GUSB: variants seen among roughly 807,000 people sequenced by gnomAD.
The protein encoded by GUSB is beta-glucuronidase.
In GUSB, 51 loss-of-function variants were observed where a neutral mutation model predicts 74.6. The ratio of observed to expected loss-of-function variants is 0.68; its 90% confidence interval spans 0.55 to 0.86. The LOEUF is 0.86. Among genes scored for constraint, GUSB ranks in the 40% least tolerant of loss-of-function variants. GUSB has a pLI of 0.00. For missense variants in GUSB, 736 were observed against 853.7 expected (o/e 0.86, Z 1.72); for synonymous variants, 360 against 348.3 (o/e 1.03, Z -0.37).
At chr7:65,976,617 A>T (rs1033379643) in intron 4 of GUSB, among the ~76,000 whole-genome samples, 29 of 148,416 alleles carry the variant, frequency 2.0e-4, no homozygotes, top group African/African-American at 7.2e-4. Flanking sequence ...GAGCCACCGC[A>T]CCCGGTGCTT....
intron 10 of GUSB, 77 bp from the exon 11 acceptor site, chr7:65,964,535 T>A (rs1790707281): frequency 4.1e-5 from 58 of 1,418,856 alleles, no homozygotes; most frequent in Non-Finnish European, 5.4e-5. Context: ...AAAGATCCAC[T>A]TGATGGTGAC....
chr7:65,977,675 C>T (rs1364873112), intron 4 of GUSB, among the ~76,000 whole-genome samples: 1 of 151,882 alleles, frequency 6.6e-6, no homozygotes, highest in African/African-American at 2.4e-5. Flanking sequence ...CAGGCATTAG[C>T]CACCACACCC....
chr7:65,972,045 A>G (rs1791247343), intron 8 of GUSB, among the ~76,000 whole-genome samples: 1 of 152,326 alleles, frequency 6.6e-6, no homozygotes, highest in Admixed American at 6.5e-5. Context: ...ATCTCAAAAA[A>G]TAAATAAATA....
intron 11 of GUSB, among the ~76,000 whole-genome samples, chr7:65,961,950 T>G (rs1239172585): frequency 9.9e-5 from 15 of 151,224 alleles, no homozygotes; most frequent in Admixed American, 9.9e-4. Context: ...TGCAGTGAGC[T>G]GAGATTGTGC....
At position 65,962,953 on chromosome 7, in the gene GUSB, G is replaced by A. The variant is rs368141901; in HGVS notation, c.1789+1370C>T. ...AGCTCATTGCAACCTCCATCTCCCA[G>A]GTTCAACAGATTCTCATGCCTCAGT... On this transcript the variant is annotated intron_variant, in intron 11 of 11. Transcript: ENST00000304895. Among the ~76,000 whole-genome samples the A allele has an allele frequency of 3.2e-4, 49 of 152,062 alleles. 3 individuals are homozygous for A. The South Asian group carries it at 9.8e-3, about 30-fold the overall frequency.
chr7:65,968,732 G>A (rs990326546), intron 9 of GUSB, among the ~76,000 whole-genome samples: 5 of 152,126 alleles, frequency 3.3e-5, no homozygotes, highest in Admixed American at 6.6e-5. Flanking sequence ...GATTACAGGC[G>A]TGCGCCACCA....
intron 9 of GUSB, among the ~76,000 whole-genome samples, chr7:65,968,727 C>T (rs1562677089): frequency 6.6e-6 from 1 of 152,300 alleles, no homozygotes; most frequent in East Asian, 1.9e-4. Context: ...GCTAGGATTA[C>T]AGGCGTGCGC....
intron 5 of GUSB, 81 bp from the exon 6 acceptor site, chr7:65,975,152 C>T (rs1417909912): frequency 5.6e-6 from 7 of 1,259,762 alleles, no homozygotes; most frequent in South Asian, 3.6e-5. Context: ...GAAGGCCCCT[C>T]GTGCACCCCA....
At chr7:65,979,612 T>C (rs1791846616) in intron 3 of GUSB, 71 bp from the exon 4 acceptor site, 1 of 1,597,700 alleles carries the variant, frequency 6.3e-7, no homozygotes, top group Non-Finnish European at 8.6e-7. Flanking sequence ...CAGGCCTCCC[T>C]GGCCTCCCCA....
At chr7:65,975,378 T>C (rs766902098) in intron 5 of GUSB, 28 of 420,210 alleles carry the variant, frequency 6.7e-5, no homozygotes, top group Non-Finnish European at 2.7e-5. Context: ...AGACCCCATC[T>C]CTATAAAAAA....
Position 65,980,321 on chromosome 7 carries a change from C to G in GUSB, c.299G>C (p.Trp100Ser). Reference sequence around the variant, plus strand: ...CGGCAGGATCACCTCCCGTTCGTACCACACCCAGCCGACAAAATGCCGCAG... The same window carrying G: ...CGGCAGGATCACCTCCCGTTCGTACGACACCCAGCCGACAAAATGCCGCAG... The part of the protein sequence containing the change: ...WRLRHFVGWV[W>S]YEREVILPER... Residue 100 changes from tryptophan (W) to serine (S), a missense_variant, in exon 2 of 12, where the codon TGG becomes TCG. Around this residue, in one of 2 missense-constraint regions of GUSB, gnomAD observed 368 missense variants for 363.8 expected, o/e 1.01. Transcript: ENST00000304895. 1 of 1,613,840 alleles carries G rather than the reference C, an allele frequency of 6.2e-7. No homozygotes were observed. The highest frequency in any genetic ancestry group is 1.1e-5 in the South Asian group (1 of 91,020).
intron 10 of GUSB, among the ~76,000 whole-genome samples, chr7:65,967,039 T>C (rs1013909268): frequency 6.6e-6 from 1 of 152,046 alleles, no homozygotes; most frequent in African/African-American, 2.4e-5. Flanking sequence ...TGGAAACAGA[T>C]CAGTGGCTGG....
Position 65,982,211 on chromosome 7 carries a change from T to C in GUSB, c.-28A>G. The C allele has an allele frequency of 1.3e-6, 2 of 1,483,826 alleles. No homozygotes were observed. Among genetic ancestry groups the C allele is most frequent in the Non-Finnish European group, 1.8e-6 (2 of 1,114,922 alleles). The allele number at this position is 1,483,826 out of a possible 1,614,324, so 91.9% of individuals were successfully genotyped here. A position where few individuals can be genotyped will look rare whatever the true frequency, so the allele number is the denominator to read the frequency against. Reference sequence around the variant, plus strand: ...TTCCCGGTCCCCCGCTCGGCCACCGTCTGCGGCGCTAAGAAAAGCGCGGGA... The same window carrying C: ...TTCCCGGTCCCCCGCTCGGCCACCGCCTGCGGCGCTAAGAAAAGCGCGGGA... On this transcript the variant is annotated 5_prime_UTR_variant, in exon 1 of 12. Coordinates refer to ENST00000304895, the MANE Select transcript of GUSB (RefSeq NM_000181.4).
In GUSB at chr7:65,982,150, G is replaced by A. The variant is rs1405302464; in HGVS notation, c.34C>T (p.Leu12Phe). ...ARGSAVAWAA[L>F]GPLLWGCALG... is the part of the protein sequence containing the mutation. ...GCGCAGCCCCACAACAACGGCCCGAGCGCCGCCCAGGCAACCGCCGACCCC... is the reference window on the plus strand; with the variant it reads ...GCGCAGCCCCACAACAACGGCCCGAACGCCGCCCAGGCAACCGCCGACCCC... The change falls in exon 1 of 12, where the codon CTC (leucine) becomes TTC (phenylalanine). Residue 12 changes from leucine (L) to phenylalanine (F), a missense_variant. This residue lies in a region of GUSB where 368 missense variants were observed against 363.8 expected (regional missense o/e 1.01). Coordinates refer to ENST00000304895, the MANE Select transcript of GUSB (RefSeq NM_000181.4). The A allele has an allele frequency of 2.0e-6, 3 of 1,532,362 alleles. No individual in the cohort carries two copies. Among genetic ancestry groups the A allele is most frequent in the Non-Finnish European group, 2.6e-6 (3 of 1,139,294 alleles). 94.9% of individuals were successfully genotyped at this position (1,532,362 alleles called of 1,614,324 possible).
chr7:65,967,972 T>C, intron 9 of GUSB, 65 bp from the exon 10 acceptor site: 3 of 1,335,236 alleles, frequency 2.2e-6, no homozygotes, highest in Admixed American at 1.7e-5. Flanking sequence ...ATTCACACAC[T>C]GCGGGGGCTC....
intron 8 of GUSB, 87 bp downstream of exon 8, chr7:65,974,208 G>A (rs773640186): frequency 6.7e-5 from 90 of 1,333,600 alleles, no homozygotes; most frequent in East Asian, 4.8e-4. Flanking sequence ...ACACGAGGCC[G>A]ATCTTGAACA....
At chr7:65,980,029 C>T (rs1331464629) in intron 2 of GUSB, 118 bp from the exon 3 acceptor site, 32 of 990,848 alleles carry the variant, frequency 3.2e-5, no homozygotes, top group Non-Finnish European at 4.1e-5. Context: ...TCCAGCCAGA[C>T]GGGAAGAATG....
intron 8 of GUSB, among the ~76,000 whole-genome samples, chr7:65,973,464 G>A (rs1791348682): frequency 6.6e-6 from 1 of 152,242 alleles, no homozygotes; most frequent in African/African-American, 2.4e-5. Context: ...GCGTGTGCCT[G>A]TAATCCCAAC....
At chr7:65,980,184 T>TCCCCCCCCCCCCCCCCCCC in intron 2 of GUSB, 40 bp downstream of exon 2, 3 of 720,096 alleles carry the variant, frequency 4.2e-6, no homozygotes, top group Admixed American at 2.1e-5. Flanking sequence ...TCAGCAGCCG[T>TCCCCCCCCCCCCCCCCCCC]GCCCCCCCAC....
Sources: allele counts gnomAD v4.1 joint callset (sites outside exome capture counted in the v4.1 genomes callset), GRCh38; gene constraint gnomAD v4.1.1; regional missense constraint gnomAD v4.1.1; transcripts MANE v1.5; gene names NCBI Gene and HGNC (gene_info 2026-07-23, HGNC 2026-07-21).